The following MTMR8 variants were observed in gnomAD, a reference collection of about 807,000 sequenced individuals.
The protein encoded by MTMR8 is phosphatidylinositol-3,5-bisphosphate 3-phosphatase MTMR8.
Under a neutral mutation model 39.3 loss-of-function variants are expected in MTMR8, and 65 were observed. The ratio of observed to expected loss-of-function variants is 1.65; its 90% CI spans 1.35 to 2.03. The LOEUF (loss-of-function observed/expected upper bound fraction) is 2.03, where lower values mean the gene tolerates loss of function less well. Ranked by LOEUF, MTMR8 falls within the 30% of genes most tolerant of loss-of-function variation. MTMR8 has a pLI of 0.00. For missense variants in MTMR8, 777 were observed against 538.9 expected (o/e 1.44, Z -4.37); for synonymous variants, 245 against 185.2 (o/e 1.32, Z -2.62).
At chrX:64,323,919 C>T (rs1024733739) in intron 12 of MTMR8, among the ~76,000 whole-genome samples, 1 of 112,195 alleles carries the variant, frequency 8.9e-6, no homozygotes, top group Non-Finnish European at 1.9e-5. Flanking sequence ...TAATGCAGTT[C>T]TAAAAGGAAA....
intron 12 of MTMR8, among the ~76,000 whole-genome samples, chrX:64,277,255 A>G: frequency 8.9e-6 from 1 of 111,734 alleles, no homozygotes; most frequent in Non-Finnish European, 1.9e-5. Flanking sequence ...TTTAAGGTTA[A>G]TATTGTTATG....
At position 64,345,074 on chromosome X, in the gene MTMR8, A is replaced by G; in HGVS notation, c.836T>C (p.Met279Thr). The G allele has an allele frequency of 8.3e-7, 1 of 1,211,515 alleles. No individual in the cohort carries two copies. The highest frequency in any genetic ancestry group is 1.7e-5 in the African/African-American group (1 of 57,895). The change falls in exon 7 of 14, where the codon ATG (methionine) becomes ACG (threonine). Residue 279 changes from methionine (M) to threonine (T), a missense_variant. Physicochemically the swap from Met to Thr is moderately conservative, Grantham distance 81. Coordinates refer to ENST00000374852, the MANE Select transcript of MTMR8 (RefSeq NM_017677.4). ...RFMGIENIHV[M>T]RSSLQKLLEV... Reference sequence around the variant, plus strand: ...CAAGAGTTTCTGCAGACTGCTCCGCATTACATGGATGTTCTCAATGCCCAT... The same window carrying G: ...CAAGAGTTTCTGCAGACTGCTCCGCGTTACATGGATGTTCTCAATGCCCAT...
chrX:64,332,423 G>A (rs1305293590), intron 10 of MTMR8, among the ~76,000 whole-genome samples: 2 of 111,446 alleles, frequency 1.8e-5, no homozygotes, highest in African/African-American at 3.3e-5. Flanking sequence ...GGCTCACAAC[G>A]ATACCACCTT....
chrX:64,357,578 C>T (rs370775748), intron 2 of MTMR8, among the ~76,000 whole-genome samples: 55 of 111,010 alleles, frequency 5.0e-4, no homozygotes, highest in African/African-American at 1.8e-3. Flanking sequence ...CAGTTGTGTG[C>T]TACCATGCCT....
At chrX:64,311,154 C>A (rs1490249833) in intron 12 of MTMR8, among the ~76,000 whole-genome samples, 1 of 111,731 alleles carries the variant, frequency 9.0e-6, no homozygotes, top group South Asian at 3.7e-4. Context: ...ACATCCTCCC[C>A]AGCATCTGTT....
intron 12 of MTMR8, chrX:64,306,039 TC>T (rs1026378162): frequency 3.6e-5 from 7 of 195,504 alleles, no homozygotes; most frequent in African/African-American, 6.0e-5. Flanking sequence ...TTTCTTGAGC[TC>T]CAGAGGTTGA....
At chrX:64,304,988 A>G (rs1400977653) in intron 12 of MTMR8, 1 of 96,990 alleles carries the variant, frequency 1.0e-5, no homozygotes, top group African/African-American at 6.5e-5. Context: ...ATGTATATAC[A>G]TATATACGTA....
At chrX:64,312,465 A>G (rs1460421796) in intron 12 of MTMR8, among the ~76,000 whole-genome samples, 2 of 112,253 alleles carry the variant, frequency 1.8e-5, no homozygotes, top group Admixed American at 1.9e-4. Flanking sequence ...ATAGTGTTGG[A>G]AGTTCTGGCC....
chrX:64,279,339 C>G (rs1315778259), intron 12 of MTMR8, among the ~76,000 whole-genome samples: 1 of 111,966 alleles, frequency 8.9e-6, no homozygotes, highest in Non-Finnish European at 1.9e-5. Context: ...AAATACTAAA[C>G]ATCATACTCA....
chrX:64,309,850 A>C (rs1457230770), intron 12 of MTMR8, among the ~76,000 whole-genome samples: 1 of 112,455 alleles, frequency 8.9e-6, no homozygotes, highest in African/African-American at 3.2e-5. Flanking sequence ...TATCTTAATT[A>C]AAAATACTTT....
intron 1 of MTMR8, among the ~76,000 whole-genome samples, chrX:64,369,622 G>T (rs1016838709): frequency 9.0e-6 from 1 of 110,603 alleles, no homozygotes; most frequent in Non-Finnish European, 1.9e-5. Flanking sequence ...CATGGAGGAG[G>T]GGGCAGGGGA....
chrX:64,347,709 G>A (rs1923379101), intron 6 of MTMR8, among the ~76,000 whole-genome samples: 1 of 112,331 alleles, frequency 8.9e-6, no homozygotes, highest in Non-Finnish European at 1.9e-5. Flanking sequence ...CAAATTATAA[G>A]CAAAATTATT....
Position 64,268,210 on chromosome X carries a change from G to C in MTMR8, c.*327C>G, listed in dbSNP as rs1931668359. On this transcript the variant is annotated 3_prime_UTR_variant, in exon 14 of 14. Transcript: ENST00000374852. ...CTTCACTTTCACATTACTGCAGTGA[G>C]GATAGAAAATAGGGCAGGTCGATCA... 7 of 250,286 alleles carry C rather than the reference G, an allele frequency of 2.8e-5. 1 individual carries two copies. The Admixed American group carries it at 3.1e-4, about 11-fold the overall frequency. 20.6% of individuals were successfully genotyped at this position (250,286 alleles called of 1,213,427 possible).
At chrX:64,348,832 C>T (rs774049874) in intron 5 of MTMR8, 38 bp from the exon 6 acceptor site, 2 of 1,199,696 alleles carry the variant, frequency 1.7e-6, no homozygotes, top group East Asian at 3.0e-5. Context: ...TGATTATATT[C>T]ACAAATGGTC....
At chrX:64,375,047 CA>C (rs34716248) in intron 1 of MTMR8, among the ~76,000 whole-genome samples, 23,276 of 55,671 alleles carry the variant, frequency 0.42, 3,660 homozygotes, top group African/African-American at 0.6. Flanking sequence ...TTGTTTTAAG[CA>C]AAAAAAAAAA....
chrX:64,332,677 C>T (rs1602135292), intron 10 of MTMR8, among the ~76,000 whole-genome samples: 1 of 111,744 alleles, frequency 8.9e-6, no homozygotes, highest in Admixed American at 9.5e-5. Context: ...TCCCTACATT[C>T]TCTGAATAAT....
In MTMR8 at chrX:64,395,447, G is replaced by A. The variant is rs1924797195; in HGVS notation, c.-84C>T. On this transcript the variant is annotated 5_prime_UTR_variant, in exon 1 of 14. Transcript: ENST00000374852. ...TCTAGCCGCCTCCTGCCTCAACCCG[G>A]GTTTCTACCCCCGCCCTCCCGGTCC... is the stretch of plus-strand genomic sequence containing the variant. 2 of 1,041,006 alleles carry A rather than the reference G, an allele frequency of 1.9e-6. No individual in the cohort carries two copies. Among genetic ancestry groups the A allele is most frequent in the Non-Finnish European group, 2.7e-6 (2 of 748,314 alleles). The allele number at this position is 1,041,006 out of a possible 1,213,427, so 85.8% of individuals were successfully genotyped here.
At chrX:64,284,542 A>G (rs763461517) in intron 12 of MTMR8, among the ~76,000 whole-genome samples, 115 of 111,853 alleles carry the variant, frequency 1.0e-3, no homozygotes, top group African/African-American at 3.4e-3. Flanking sequence ...CAAAGTTGAA[A>G]TGAAGGAAAA....
chrX:64,353,173 T>C lies in MTMR8; in HGVS notation c.468+1604A>G, dbSNP rs577921637. Among the ~76,000 whole-genome samples the C allele has an allele frequency of 2.9e-4, 33 of 112,087 alleles. No individual in the cohort carries two copies. In the South Asian group the frequency reaches 9.6e-3, roughly 33 times the overall value. ...ATATGCAAAGAAACACTTTAGGATATTGGTCTGGGCAAAGACTTCTCGAGT... is the reference window on the plus strand; with the variant it reads ...ATATGCAAAGAAACACTTTAGGATACTGGTCTGGGCAAAGACTTCTCGAGT... On this transcript the variant is annotated intron_variant, in intron 4 of 13. Transcript: ENST00000374852.
Sources: allele counts gnomAD v4.1 joint callset (sites outside exome capture counted in the v4.1 genomes callset), GRCh38; gene constraint gnomAD v4.1.1; transcripts MANE v1.5; gene names NCBI Gene and HGNC (gene_info 2026-07-23, HGNC 2026-07-21).